Variants in OSBPL1A observed in about 807,000 individuals in gnomAD.
OSBPL1A encodes the protein oxysterol binding protein like 1A, also known as oxysterol-binding protein-related protein 1.
Under a neutral mutation model 137.1 loss-of-function variants are expected in OSBPL1A, and 80 were observed. The ratio of observed to expected loss-of-function variants is 0.58; its 90% CI spans 0.49 to 0.70. The LOEUF is 0.70. Among genes scored for constraint, OSBPL1A ranks in the 30% least tolerant of loss-of-function variants. The pLI, the probability that OSBPL1A is intolerant of heterozygous loss-of-function variation, is 0.00. For synonymous variants in OSBPL1A, 365 were observed against 389.7 expected, an observed-to-expected ratio of 0.94 and a Z score of 0.75; for missense variants, 970 against 1,129.4, an observed-to-expected ratio of 0.86 and a Z score of 2.02.
intron 15 of OSBPL1A, among the ~76,000 whole-genome samples, chr18:24,259,139 C>A (rs971391380): frequency 2.0e-5 from 3 of 151,856 alleles, no homozygotes; most frequent in African/African-American, 7.3e-5. Context: ...GATCTCCTGA[C>A]CTCGTGATCC....
chr18:24,374,823 T>C, intron 2 of OSBPL1A, among the ~76,000 whole-genome samples: 1 of 152,110 alleles, frequency 6.6e-6, no homozygotes, highest in East Asian at 1.9e-4. Flanking sequence ...ACTTTCTACC[T>C]GAGTTTCACG....
At chr18:24,179,607 T>C (rs922948769) in intron 20 of OSBPL1A, 131 bp downstream of exon 20, 7 of 707,992 alleles carry the variant, frequency 9.9e-6, no homozygotes, top group Non-Finnish European at 1.4e-5. Flanking sequence ...ATAATAGCTA[T>C]CCTAGAAACA....
At chr18:24,391,952 C>T (rs1043409664) in intron 1 of OSBPL1A, among the ~76,000 whole-genome samples, 5 of 152,028 alleles carry the variant, frequency 3.3e-5, no homozygotes, top group Admixed American at 2.6e-4. Flanking sequence ...ACCTCCTGGG[C>T]TCAAGTGATC....
intron 18 of OSBPL1A, among the ~76,000 whole-genome samples, chr18:24,195,676 C>A (rs1015080567): frequency 4.6e-5 from 7 of 152,166 alleles, no homozygotes; most frequent in Non-Finnish European, 1.0e-4. Context: ...CCTACCTCCC[C>A]CCACATCAGA....
In OSBPL1A at chr18:24,240,517, T is replaced by A. The variant is rs536031457; in HGVS notation, c.1282-1135A>T. Among the ~76,000 whole-genome samples the A allele has an allele frequency of 3.9e-5, 6 of 152,266 alleles. No individual in the cohort carries two copies. The East Asian group carries it at 1.2e-3, about 29-fold the overall frequency. On this transcript the variant is annotated intron_variant, in intron 15 of 27. Coordinates refer to ENST00000319481, the MANE Select transcript of OSBPL1A (RefSeq NM_080597.4). ...TAGTCCGGAAATCACTACTATGCCT[T>A]AATCTTGCTGGATTTCTGGAGCCAA... is the stretch of plus-strand genomic sequence containing the variant.
chr18:24,275,741 T>A (rs2089831442), intron 15 of OSBPL1A, among the ~76,000 whole-genome samples: 4 of 151,846 alleles, frequency 2.6e-5, no homozygotes, highest in Admixed American at 2.6e-4. Flanking sequence ...TTTTTTTTTT[T>A]TTCTTGAGAC....
In OSBPL1A at chr18:24,226,182, C is replaced by A. The variant is rs536122328; in HGVS notation, c.1445-984G>T. Among the ~76,000 whole-genome samples the A allele has an allele frequency of 8.6e-4, 131 of 152,174 alleles. 1 individual carries two copies. The highest frequency in any genetic ancestry group is 3.0e-3 in the African/African-American group (125 of 41,504). Reference sequence around the variant, plus strand: ...AACGCATTTTTGTACACGACAGTAGCGTTTTCAGGCATTTCACATTCTTCA... The same window carrying A: ...AACGCATTTTTGTACACGACAGTAGAGTTTTCAGGCATTTCACATTCTTCA... On this transcript the variant is annotated intron_variant, in intron 16 of 27. Transcript: ENST00000319481.
chr18:24,281,692 C>T (rs1165851589), intron 14 of OSBPL1A, among the ~76,000 whole-genome samples: 1 of 152,156 alleles, frequency 6.6e-6, no homozygotes, highest in African/African-American at 2.4e-5. Flanking sequence ...CACCCAGCCT[C>T]ATGTTTCTTG....
At chr18:24,164,564 G>A (rs2086100341) in intron 27 of OSBPL1A, among the ~76,000 whole-genome samples, 1 of 151,852 alleles carries the variant, frequency 6.6e-6, no homozygotes, top group South Asian at 2.1e-4. Context: ...GAATATCTGG[G>A]ACTACAGGCG....
intron 14 of OSBPL1A, among the ~76,000 whole-genome samples, chr18:24,297,567 A>G (rs1254296933): frequency 1.3e-5 from 2 of 152,186 alleles, no homozygotes; most frequent in Non-Finnish European, 2.9e-5. Context: ...CTTTTGCTCT[A>G]TCCCAGAGGT....
intron 16 of OSBPL1A, among the ~76,000 whole-genome samples, chr18:24,235,914 T>A (rs1014719859): frequency 2.0e-5 from 3 of 152,150 alleles, no homozygotes; most frequent in African/African-American, 7.2e-5. Flanking sequence ...TCCAACGTAA[T>A]GCCATAGGTC....
At chr18:24,390,694 CAAAAAAAAAAAAAAAA>C (rs751432894) in intron 1 of OSBPL1A, among the ~76,000 whole-genome samples, 1 of 56,212 alleles carries the variant, frequency 1.8e-5, no homozygotes, top group Non-Finnish European at 3.4e-5. Flanking sequence ...GACTCCGTCT[CAAAAAAAAAAAAAAAA>C]AAAAAAAAAA....
chr18:24,271,427 AG>A lies in OSBPL1A; in HGVS notation c.1281+9414del, dbSNP rs1274267807. 41 of 393,850 alleles carry A rather than the reference AG, an allele frequency of 1.0e-4. No individual in the cohort carries two copies. The highest frequency in any genetic ancestry group is 1.3e-4 in the Non-Finnish European group (37 of 289,190). The allele number at this position is 393,850 out of a possible 1,614,324, so 24.4% of individuals were successfully genotyped here. A position where few individuals can be genotyped will look rare whatever the true frequency, so the allele number is the denominator to read the frequency against. ...GGGAGACCCGCACTGGGAAGAGAGC[AG>A]GGTCTCCCGGCTGGTGCGCCCCTCC... On this transcript the variant is annotated intron_variant, in intron 15 of 27. Transcript: ENST00000319481. The surrounding 1 kb of genome is among the most constrained non-coding windows in gnomAD (Gnocchi z 4.0).
intron 11 of OSBPL1A, among the ~76,000 whole-genome samples, chr18:24,315,847 T>C (rs1316567949): frequency 1.7e-5 from 2 of 117,748 alleles, no homozygotes; most frequent in South Asian, 4.6e-4. Flanking sequence ...TATTATATAA[T>C]AAAATATATA....
At position 24,359,606 on chromosome 18, in the gene OSBPL1A, G is replaced by A. The variant is rs148365205; in HGVS notation, c.282+7286C>T. Among the ~76,000 whole-genome samples the A allele has an allele frequency of 7.0e-4, 106 of 151,980 alleles. No homozygotes were observed. The East Asian group carries it at 7.8e-3, about 11-fold the overall frequency. The stretch of plus-strand genomic sequence containing the variant: ...GTGGAAGGATCTGTTGTGCCCAGAC[G>A]TTCAAGGCTGCAGTGAGCTATGAGG... On this transcript the variant is annotated intron_variant, in intron 4 of 27. Transcript: ENST00000319481.
chr18:24,369,412 T>C (rs1905435610), intron 2 of OSBPL1A, among the ~76,000 whole-genome samples: 1 of 152,234 alleles, frequency 6.6e-6, no homozygotes, highest in African/African-American at 2.4e-5. Context: ...AATCAGACTG[T>C]AGCAAATACA....
intron 17 of OSBPL1A, among the ~76,000 whole-genome samples, chr18:24,212,698 G>A (rs542052670): frequency 5.3e-5 from 8 of 152,018 alleles, no homozygotes; most frequent in Non-Finnish European, 1.0e-4. Context: ...TGTATTCCAC[G>A]GTCATAAAAA....
intron 17 of OSBPL1A, among the ~76,000 whole-genome samples, chr18:24,215,273 T>C (rs1214774190): frequency 6.6e-6 from 1 of 152,224 alleles, no homozygotes; most frequent in East Asian, 1.9e-4. Flanking sequence ...AAATTTACTA[T>C]GGTAAAATGG....
At position 24,341,643 on chromosome 18, in the gene OSBPL1A, G is replaced by A; in HGVS notation, c.298C>T (p.Leu100Phe). The change falls in exon 5 of 28, where the codon CTC becomes TTC. Residue 100 changes from leucine (L) to phenylalanine (F), a missense_variant. Physicochemically the swap from Leu to Phe is conservative, Grantham distance 22. This residue lies in a region of OSBPL1A where 647 missense variants were observed against 672.6 expected (regional missense o/e 0.96). Transcript: ENST00000319481. The stretch of plus-strand genomic sequence containing the variant: ...GTAGTATCAGCATTATATTCTAAGA[G>A]AAGCATTACCAACTCCTAAAAATCA... ...FTGRKELVML[L>F]LEYNADTTIV... The A allele has an allele frequency of 6.2e-7, 1 of 1,604,078 alleles. No homozygotes were observed. The highest frequency in any genetic ancestry group is 8.5e-7 in the Non-Finnish European group (1 of 1,174,920).
Sources: gnomAD v4.1 joint callset for allele counts (sites outside exome capture counted in the v4.1 genomes callset) on GRCh38, gnomAD v4.1.1 for gene constraint, gnomAD v4.1.1 regional missense constraint, Gnocchi (gnomAD v3.1) non-coding constraint, MANE v1.5 for transcripts, NCBI Gene and HGNC (gene_info 2026-07-23, HGNC 2026-07-21) for gene names.